Variants in GRIN2B observed in about 807,000 individuals in gnomAD.
GRIN2B encodes the protein glutamate receptor ionotropic, NMDA 2B.
Under a neutral mutation model 114.5 loss-of-function variants are expected in GRIN2B, and 5 were observed. That is an observed-to-expected ratio of 0.04 (90% confidence interval 0.02 to 0.09). The LOEUF is 0.09. Ranked by LOEUF, GRIN2B falls within the 10% of genes least tolerant of loss-of-function variation. The probability of loss-of-function intolerance (pLI) is 1.00; values close to 1 mark genes in which losing one functional copy is unlikely to be tolerated. For synonymous variants in GRIN2B, 787 were observed against 745.1 expected (o/e 1.06, Z -0.92); for missense variants, 1,108 against 1,943.5 (o/e 0.57, Z 8.08).
chr12:13,770,063 A>G (rs1008668584), intron 3 of GRIN2B, among the ~76,000 whole-genome samples: 6 of 152,244 alleles, frequency 3.9e-5, no homozygotes, highest in Admixed American at 1.3e-4. Context: ...CAGCTGCAAG[A>G]AATGAAATTT....
In GRIN2B at chr12:13,569,903, A is replaced by G. The variant is rs1355494712; in HGVS notation, c.2286T>C (p.Tyr762=). ...GSGKVFASTG[Y]GIAIQKDSGW... is the part of the protein sequence containing the mutation. ...CAGAATCTTTTTGGATGGCAATGCC[A>G]TAGCCAGTGGAAGCAAAGACCTTCC... Residue 762 remains tyrosine, a synonymous_variant, in exon 12 of 14, where the codon TAT becomes TAC. Transcript: ENST00000609686. 2 of 1,613,556 alleles carry G rather than the reference A, an allele frequency of 1.2e-6. No individual in the cohort carries two copies. Among genetic ancestry groups the G allele is most frequent in the Non-Finnish European group, 1.7e-6 (2 of 1,179,590 alleles).
chr12:13,921,245 C>T (rs2136812267), intron 2 of GRIN2B, among the ~76,000 whole-genome samples: 2 of 152,022 alleles, frequency 1.3e-5, no homozygotes, highest in East Asian at 3.9e-4. Flanking sequence ...AAAAATACAA[C>T]ACATTAGCCA....
In GRIN2B at chr12:13,547,168, C is replaced by T. The variant is rs565210006; in HGVS notation, c.*15615G>A. The T allele has an allele frequency of 2.6e-5, 4 of 151,942 alleles. No homozygotes were observed. Among genetic ancestry groups the T allele is most frequent in the Non-Finnish European group, 5.9e-5 (4 of 67,946 alleles). 9.4% of individuals were successfully genotyped at this position (151,942 alleles called of 1,614,324 possible). A position where few individuals can be genotyped will look rare whatever the true frequency, so the allele number is the denominator to read the frequency against. On this transcript the variant is annotated 3_prime_UTR_variant, in exon 14 of 14. Coordinates refer to ENST00000609686, the MANE Select transcript of GRIN2B (RefSeq NM_000834.5). Reference sequence around the variant, plus strand: ...AGGAAAGGAAAGTCGGGGAGGGGAGCCAAAAACATGAAGGGGAACCAGGAG... The same window carrying T: ...AGGAAAGGAAAGTCGGGGAGGGGAGTCAAAAACATGAAGGGGAACCAGGAG...
At chr12:13,903,583 G>A (rs1866492122) in intron 2 of GRIN2B, among the ~76,000 whole-genome samples, 1 of 151,984 alleles carries the variant, frequency 6.6e-6, no homozygotes, top group South Asian at 2.1e-4. Flanking sequence ...GGTCTTCCTG[G>A]CCTTAATTTC....
At chr12:13,768,781 T>G (rs1355620292) in intron 3 of GRIN2B, among the ~76,000 whole-genome samples, 3 of 152,222 alleles carry the variant, frequency 2.0e-5, no homozygotes, top group African/African-American at 7.2e-5. Flanking sequence ...ACGCCTGTAA[T>G]CCCAGCACTT....
chr12:13,817,140 A>G (rs1156550092), intron 3 of GRIN2B, among the ~76,000 whole-genome samples: 1 of 152,146 alleles, frequency 6.6e-6, no homozygotes, highest in African/African-American at 2.4e-5. Flanking sequence ...AAGAAGAATA[A>G]AAGTTTGGAA....
At chr12:13,848,399 AC>A (rs1865503435) in intron 3 of GRIN2B, among the ~76,000 whole-genome samples, 1 of 152,000 alleles carries the variant, frequency 6.6e-6, no homozygotes, top group Non-Finnish European at 1.5e-5. Flanking sequence ...TCCTGGAGAA[AC>A]CCCAGCAGTG....
chr12:13,589,431 G>A (rs1317787477), intron 10 of GRIN2B, among the ~76,000 whole-genome samples: 2 of 152,188 alleles, frequency 1.3e-5, no homozygotes, highest in African/African-American at 4.8e-5. Flanking sequence ...AGGGCCTCTA[G>A]GCCTTAGCTA....
intron 3 of GRIN2B, among the ~76,000 whole-genome samples, chr12:13,807,436 CCTT>C (rs1864623523): frequency 6.6e-6 from 1 of 152,066 alleles, no homozygotes; most frequent in African/African-American, 2.4e-5. Context: ...ATGCCCTTCT[CCTT>C]CTCACCTCCC....
intron 3 of GRIN2B, among the ~76,000 whole-genome samples, chr12:13,770,226 G>A (rs1224383165): frequency 6.6e-6 from 1 of 152,206 alleles, no homozygotes; most frequent in Non-Finnish European, 1.5e-5. Flanking sequence ...AATTTAGGAT[G>A]AAAGAACTGG....
chr12:13,583,789 T>A (rs1948882973), intron 10 of GRIN2B, among the ~76,000 whole-genome samples: 1 of 152,042 alleles, frequency 6.6e-6, no homozygotes, highest in South Asian at 2.1e-4. Flanking sequence ...GCATCTGCAC[T>A]GACGTTGGGA....
At chr12:13,796,804 G>C (rs537853605) in intron 3 of GRIN2B, among the ~76,000 whole-genome samples, 1 of 152,248 alleles carries the variant, frequency 6.6e-6, no homozygotes, top group East Asian at 1.9e-4. Context: ...ATGGGAAATT[G>C]AGACCTAAAG....
At chr12:13,747,868 T>A (rs1156997258) in intron 4 of GRIN2B, among the ~76,000 whole-genome samples, 3 of 152,124 alleles carry the variant, frequency 2.0e-5, no homozygotes, top group Non-Finnish European at 4.4e-5. Context: ...TTGACTCAAT[T>A]CCTCATTTAT....
intron 3 of GRIN2B, among the ~76,000 whole-genome samples, chr12:13,855,830 A>C (rs1431968166): frequency 6.6e-6 from 1 of 152,222 alleles, no homozygotes; most frequent in Non-Finnish European, 1.5e-5. Flanking sequence ...TATCTTTTGA[A>C]GGATCACCAT....
At chr12:13,663,604 A>G (rs1356348611) in intron 5 of GRIN2B, among the ~76,000 whole-genome samples, 1 of 152,178 alleles carries the variant, frequency 6.6e-6, no homozygotes, top group Non-Finnish European at 1.5e-5. Flanking sequence ...TCAGTATTTT[A>G]TTATTAATTA....
intron 5 of GRIN2B, among the ~76,000 whole-genome samples, chr12:13,623,648 C>T (rs981603373): frequency 6.6e-6 from 1 of 152,142 alleles, no homozygotes; most frequent in Admixed American, 6.5e-5. Flanking sequence ...TCTTTCTTAT[C>T]CATTCATAGA....
chr12:13,800,770 G>A (rs547224456), intron 3 of GRIN2B, among the ~76,000 whole-genome samples: 2 of 152,282 alleles, frequency 1.3e-5, no homozygotes, highest in South Asian at 2.1e-4. Flanking sequence ...TGTACGTCAT[G>A]ATTTGGATGT....
intron 4 of GRIN2B, among the ~76,000 whole-genome samples, chr12:13,729,580 A>G (rs1012045613): frequency 6.6e-6 from 1 of 152,130 alleles, no homozygotes; most frequent in Non-Finnish European, 1.5e-5. Context: ...TCACCAGAGG[A>G]AAGAGAATCA....
intron 4 of GRIN2B, among the ~76,000 whole-genome samples, chr12:13,721,640 G>A (rs1335280375): frequency 6.6e-6 from 1 of 152,068 alleles, no homozygotes; most frequent in Admixed American, 6.6e-5. Flanking sequence ...AGTTTTAGGT[G>A]CCTCACAGAC....
Sources: gnomAD v4.1 joint callset for allele counts (sites outside exome capture counted in the v4.1 genomes callset) on GRCh38, gnomAD v4.1.1 for gene constraint, MANE v1.5 for transcripts, NCBI Gene and HGNC (gene_info 2026-07-23, HGNC 2026-07-21) for gene names.